The following STX12 variants were observed in gnomAD, a reference collection of about 807,000 sequenced individuals.
STX12 encodes syntaxin-12.
Under a neutral mutation model 42.2 loss-of-function variants are expected in STX12, and 17 were observed. The observed-to-expected ratio is 0.40, with a 90% CI of 0.28 to 0.60. The LOEUF (loss-of-function observed/expected upper bound fraction) is 0.60. Ranked by LOEUF, STX12 falls within the 20% of genes least tolerant of loss-of-function variation. STX12 has a pLI of 0.39. For synonymous variants in STX12, 108 were observed against 116.7 expected (o/e 0.93, Z 0.48); for missense variants, 297 against 330.9 (o/e 0.90, Z 0.79).
At chr1:27,780,364 T>C (rs2088660309) in intron 1 of STX12, among the ~76,000 whole-genome samples, 1 of 151,490 alleles carries the variant, frequency 6.6e-6, no homozygotes, top group Admixed American at 6.6e-5. Context: ...GTGCACCACA[T>C]GCCCGACTAA....
chr1:27,800,995 C>T (rs1037805354), intron 3 of STX12, among the ~76,000 whole-genome samples: 1 of 152,182 alleles, frequency 6.6e-6, no homozygotes, highest in Non-Finnish European at 1.5e-5. Context: ...AACATTTTAG[C>T]TAAAACCCAT....
At chr1:27,818,883 C>T (rs567953353) in intron 7 of STX12, among the ~76,000 whole-genome samples, 79 of 152,270 alleles carry the variant, frequency 5.2e-4, no homozygotes, top group African/African-American at 1.9e-3. Context: ...CCGCCTTGGC[C>T]TCCCAGGTGG....
intron 1 of STX12, among the ~76,000 whole-genome samples, chr1:27,788,399 G>A (rs975441643): frequency 6.6e-6 from 1 of 152,200 alleles, no homozygotes; most frequent in African/African-American, 2.4e-5. Flanking sequence ...AGGCAGGCTG[G>A]CGTTAGAGTG....
Position 27,793,569 on chromosome 1 carries a change from G to A in STX12, c.225G>A (p.Lys75=), listed in dbSNP as rs1557801460. The stretch of plus-strand genomic sequence containing the variant: ...AACACTCCACAAATCAGCTCGCCAA[G>A]GAAACAAATGAATTGCTGAAAGAAT... ...QLQHSTNQLA[K]ETNELLKELG... Residue 75 remains lysine (K), a synonymous_variant, in exon 3 of 9, where the codon AAG becomes AAA. Coordinates refer to ENST00000373943, the MANE Select transcript of STX12 (RefSeq NM_177424.3). 6.2e-7 allele frequency: 1 copy of A among 1,614,024 alleles called. No homozygotes were observed. Among genetic ancestry groups the A allele is most frequent in the African/African-American group, 1.3e-5 (1 of 75,004 alleles).
At chr1:27,793,230 T>C (rs1317915960) in intron 2 of STX12, among the ~76,000 whole-genome samples, 1 of 152,248 alleles carries the variant, frequency 6.6e-6, no homozygotes, top group Admixed American at 6.5e-5. Flanking sequence ...AATTGTTCTT[T>C]TTATATTTTT....
intron 2 of STX12, among the ~76,000 whole-genome samples, chr1:27,791,686 G>C (rs2088742348): frequency 6.6e-6 from 1 of 152,004 alleles, no homozygotes; most frequent in African/African-American, 2.4e-5. Context: ...GTGGTGGCAC[G>C]TGCCTGTAGT....
chr1:27,819,816 C>T (rs2088972559), intron 8 of STX12, 84 bp downstream of exon 8: 8 of 1,183,368 alleles, frequency 6.8e-6, no homozygotes, highest in Non-Finnish European at 9.8e-6. Flanking sequence ...AGAACAGCTA[C>T]AGCCTTTGCT....
intron 4 of STX12, among the ~76,000 whole-genome samples, chr1:27,805,965 C>T (rs1463569583): frequency 1.3e-5 from 2 of 152,124 alleles, no homozygotes; most frequent in Non-Finnish European, 2.9e-5. Context: ...CTATATTATA[C>T]TTTGATTGGA....
At chr1:27,797,653 C>CT (rs1480373542) in intron 3 of STX12, among the ~76,000 whole-genome samples, 9 of 152,244 alleles carry the variant, frequency 5.9e-5, no homozygotes, top group Non-Finnish European at 1.0e-4. Flanking sequence ...CCCTTCACCT[C>CT]TAAGTGCGTG....
intron 1 of STX12, among the ~76,000 whole-genome samples, chr1:27,777,540 C>G (rs968693946): frequency 1.3e-5 from 2 of 152,072 alleles, no homozygotes; most frequent in African/African-American, 4.8e-5. Context: ...TGCCTCTTTC[C>G]CCTTGTACTG....
At chr1:27,788,761 C>G (rs527932362) in intron 1 of STX12, among the ~76,000 whole-genome samples, 128 of 152,270 alleles carry the variant, frequency 8.4e-4, no homozygotes, top group African/African-American at 2.8e-3. Flanking sequence ...ACTGTAATCC[C>G]AGGACTTTGG....
intron 3 of STX12, among the ~76,000 whole-genome samples, chr1:27,798,083 G>A (rs1358742608): frequency 6.6e-6 from 1 of 152,130 alleles, no homozygotes; most frequent in African/African-American, 2.4e-5. Context: ...GAATTATTAT[G>A]TAAAGCACTT....
intron 4 of STX12, among the ~76,000 whole-genome samples, chr1:27,808,597 C>T (rs1011011019): frequency 6.6e-6 from 1 of 152,126 alleles, no homozygotes; most frequent in African/African-American, 2.4e-5. Flanking sequence ...CCACCTCGGC[C>T]TCTCAAAGTG....
chr1:27,817,747 C>A, intron 6 of STX12, 104 bp from the exon 7 acceptor site: 2 of 906,398 alleles, frequency 2.2e-6, no homozygotes, highest in South Asian at 1.5e-5. Flanking sequence ...CTTTGTAGAG[C>A]CTTAAAAACA....
Position 27,824,294 on chromosome 1 carries a change from T to C in STX12, c.*1965T>C, listed in dbSNP as rs2089006257. ...TTGGGTAAAATAAAGTGACCATGCT[T>C]TTGTTCTGTAATACTGTGTGACCTG... On this transcript the variant is annotated 3_prime_UTR_variant, in exon 9 of 9. Coordinates refer to ENST00000373943, the MANE Select transcript of STX12 (RefSeq NM_177424.3). 1 of 152,202 alleles carries C rather than the reference T, an allele frequency of 6.6e-6. No homozygotes were observed. Among genetic ancestry groups the C allele is most frequent in the African/African-American group, 2.4e-5 (1 of 41,446 alleles). 9.4% of individuals were successfully genotyped at this position (152,202 alleles called of 1,614,324 possible). A position where few individuals can be genotyped will look rare whatever the true frequency, so the allele number is the denominator to read the frequency against.
intron 6 of STX12, among the ~76,000 whole-genome samples, chr1:27,814,693 A>G (rs1021270885): frequency 2.0e-5 from 3 of 152,106 alleles, no homozygotes; most frequent in Non-Finnish European, 4.4e-5. Flanking sequence ...TACTAAAAAC[A>G]CAAAAAATTA....
At chr1:27,785,363 A>T (rs2088692562) in intron 1 of STX12, among the ~76,000 whole-genome samples, 1 of 152,170 alleles carries the variant, frequency 6.6e-6, no homozygotes, top group Admixed American at 6.6e-5. Flanking sequence ...GAAGTTAAGA[A>T]AGTCACAGGT....
At chr1:27,780,209 G>GTTTTT (rs199499561) in intron 1 of STX12, among the ~76,000 whole-genome samples, 11 of 125,948 alleles carry the variant, frequency 8.7e-5, no homozygotes, top group African/African-American at 3.1e-4. Context: ...TTCTTTGCTT[G>GTTTTT]TTTTTTTTTT....
chr1:27,773,225 TTC>T lies in STX12; in HGVS notation c.-80_-79del. The T allele has an allele frequency of 1.1e-6, 1 of 896,848 alleles. No homozygotes were observed. The allele number at this position is 896,848 out of a possible 1,614,324, so 55.6% of individuals were successfully genotyped here. ...CTTCCCCGCCCTTGCTCTTCCCAGT[TTC>T]TCCGTCAGCCTGCGGGTCCCGGCTG... On this transcript the variant is annotated 5_prime_UTR_variant, in exon 1 of 9. Coordinates refer to ENST00000373943, the MANE Select transcript of STX12 (RefSeq NM_177424.3).
Sources: gnomAD v4.1 joint callset for allele counts (sites outside exome capture counted in the v4.1 genomes callset) on GRCh38, gnomAD v4.1.1 for gene constraint, MANE v1.5 for transcripts, NCBI Gene and HGNC (gene_info 2026-07-23, HGNC 2026-07-21) for gene names.